ESR2: variants seen among roughly 807,000 people sequenced by gnomAD.
The protein encoded by ESR2 is estrogen receptor 2, also known as estrogen receptor beta.
ESR2 carries 36 observed loss-of-function variants against 49.6 expected under a neutral mutation model. The observed-to-expected ratio is 0.73, with a 90% CI of 0.56 to 0.96. The LOEUF (loss-of-function observed/expected upper bound fraction) is 0.96. Among genes scored for constraint, ESR2 ranks in the 40% least tolerant of loss-of-function variants. ESR2 has a pLI of 0.00. For synonymous variants in ESR2, 320 were observed against 266.1 expected (o/e 1.20, Z -1.97); for missense variants, 714 against 693.0 (o/e 1.03, Z -0.34).
intron 3 of ESR2, among the ~76,000 whole-genome samples, chr14:64,270,579 C>T (rs1330762276): frequency 6.6e-6 from 1 of 152,004 alleles, no homozygotes; most frequent in Non-Finnish European, 1.5e-5. Flanking sequence ...GGCACGATCT[C>T]GACTCACTGC....
intron 1 of ESR2, among the ~76,000 whole-genome samples, chr14:64,318,709 G>A (rs2077289597): frequency 6.6e-6 from 1 of 151,744 alleles, no homozygotes; most frequent in Non-Finnish European, 1.5e-5. Flanking sequence ...AAACTAGCCA[G>A]GTCAACACAG....
rs187646669 is a variant in ESR2 at position 64,260,208 on chromosome 14, A to G, written c.952+241T>C. ...CACGCACAACTCTTTCTGCACTACC[A>G]TGTTGGGTACAGAACTCAGAAGAGT... On this transcript the variant is annotated intron_variant, in intron 5 of 8. Coordinates refer to ENST00000341099, the MANE Select transcript of ESR2 (RefSeq NM_001437.3). 3.0e-5 allele frequency: 22 copies of G among 740,424 alleles called. No individual in the cohort carries two copies. In the East Asian group the frequency reaches 5.6e-4, roughly 19 times the overall value. 45.9% of individuals were successfully genotyped at this position (740,424 alleles called of 1,614,324 possible).
intron 3 of ESR2, among the ~76,000 whole-genome samples, chr14:64,269,294 T>C (rs2076392245): frequency 2.0e-5 from 3 of 152,224 alleles, no homozygotes. Flanking sequence ...TTTACATATA[T>C]CCCTCTTTCG....
At chr14:64,291,336 T>A (rs2076867200) in intron 1 of ESR2, among the ~76,000 whole-genome samples, 1 of 152,164 alleles carries the variant, frequency 6.6e-6, no homozygotes, top group Non-Finnish European at 1.5e-5. Flanking sequence ...CACACAAAGA[T>A]TCTCCACTAA....
At chr14:64,325,646 A>C (rs1199907083) in intron 1 of ESR2, among the ~76,000 whole-genome samples, 4 of 152,180 alleles carry the variant, frequency 2.6e-5, no homozygotes, top group Non-Finnish European at 4.4e-5. Flanking sequence ...GTCCACTGAT[A>C]ACGTGGATTT....
At chr14:64,244,986 T>C (rs1433567070) in intron 7 of ESR2, among the ~76,000 whole-genome samples, 2 of 152,172 alleles carry the variant, frequency 1.3e-5, no homozygotes, top group African/African-American at 4.8e-5. Context: ...CCAATATCTG[T>C]TTTATATATT....
At chr14:64,241,038 G>T (rs8022377) in intron 7 of ESR2, among the ~76,000 whole-genome samples, 108 of 150,990 alleles carry the variant, frequency 7.2e-4, no homozygotes, top group Non-Finnish European at 3.7e-4. Context: ...CCCAGCTACT[G>T]GGGAGGCTGA....
intron 1 of ESR2, among the ~76,000 whole-genome samples, chr14:64,288,884 G>A (rs2140839429): frequency 6.6e-6 from 1 of 151,048 alleles, no homozygotes; most frequent in South Asian, 2.1e-4. Flanking sequence ...TACTCAGAAG[G>A]CTGAGGCAGG....
At chr14:64,251,737 T>A (rs559855832) in intron 6 of ESR2, among the ~76,000 whole-genome samples, 76 of 152,170 alleles carry the variant, frequency 5.0e-4, no homozygotes, top group Non-Finnish European at 9.0e-4. Flanking sequence ...TAAGCAGGTG[T>A]GACAGTCAAC....
intron 5 of ESR2, among the ~76,000 whole-genome samples, chr14:64,259,304 C>T (rs1461441483): frequency 6.6e-6 from 1 of 152,212 alleles, no homozygotes; most frequent in African/African-American, 2.4e-5. Flanking sequence ...CCTCAGTTCC[C>T]CAGGCTCTTT....
chr14:64,259,998 C>A (rs2076178758), intron 5 of ESR2, among the ~76,000 whole-genome samples: 1 of 152,122 alleles, frequency 6.6e-6, no homozygotes, highest in Non-Finnish European at 1.5e-5. Context: ...TGACCCCAAG[C>A]CCAATTCCAG....
rs539876920 is a variant in ESR2 at position 64,230,716 on chromosome 14, G to A, written c.*2421C>T. 6.6e-5 allele frequency among the ~76,000 whole-genome samples: 10 copies of A among 151,924 alleles called. No individual in the cohort carries two copies. The highest frequency in any genetic ancestry group is 1.9e-4 in the East Asian group (1 of 5,178). On this transcript the variant is annotated 3_prime_UTR_variant, in exon 9 of 9. Transcript: ENST00000341099. ...CAGAGGGGTGCTGTGAGAACAGAGC[G>A]AGATTCGGTGAGAATAGCTCAGCTG...
Position 64,294,163 on chromosome 14 carries a change from A to T in ESR2, c.-221T>A, listed in dbSNP as rs2076919320. 6.6e-6 allele frequency: 1 copy of T among 152,302 alleles called. No individual in the cohort carries two copies. The highest frequency in any genetic ancestry group is 2.4e-5 in the African/African-American group (1 of 41,464). 9.4% of individuals were successfully genotyped at this position (152,302 alleles called of 1,614,324 possible). A position where few individuals can be genotyped will look rare whatever the true frequency, so the allele number is the denominator to read the frequency against. On this transcript the variant is annotated 5_prime_UTR_variant, in exon 1 of 9. Coordinates refer to ENST00000341099, the MANE Select transcript of ESR2 (RefSeq NM_001437.3). Reference sequence around the variant, plus strand: ...AAAGCGAGCGCACCTCCTGCAGCTCAGGCTCCGGGCGCCAGCCCTGCCCCG... The same window carrying T: ...AAAGCGAGCGCACCTCCTGCAGCTCTGGCTCCGGGCGCCAGCCCTGCCCCG...
intron 1 of ESR2, among the ~76,000 whole-genome samples, chr14:64,334,059 G>A (rs2077498121): frequency 6.6e-6 from 1 of 152,014 alleles, no homozygotes; most frequent in South Asian, 2.1e-4. Flanking sequence ...ATTTTATTCT[G>A]ATCAACATAA....
Position 64,260,742 on chromosome 14 carries a change from CG to C in ESR2, c.658del (p.Arg220GlyfsTer44). ...AAGGCGGTACCCACATCTCTCTCTC[CG>C]GGAGCCTGAAGAGGAAAGCAGAGTC... ...YEVGMVKCGS[R>X]RERCGYRLVR... is the part of the protein sequence containing the mutation. On this transcript the variant is annotated frameshift_variant, in exon 5 of 9. Transcript: ENST00000341099. LOFTEE classifies it high-confidence loss of function. 1 of 1,480,898 alleles carries C rather than the reference CG, an allele frequency of 6.8e-7. No homozygotes were observed. 91.7% of individuals were successfully genotyped at this position (1,480,898 alleles called of 1,614,324 possible). A position where few individuals can be genotyped will look rare whatever the true frequency, so the allele number is the denominator to read the frequency against.
At chr14:64,335,200 A>T (rs955001446) in intron 1 of ESR2, among the ~76,000 whole-genome samples, 2 of 152,224 alleles carry the variant, frequency 1.3e-5, no homozygotes, top group African/African-American at 4.8e-5. Context: ...GGGAAGGCAC[A>T]CAAAGGAGTA....
At chr14:64,303,950 C>A (rs549795224) in intron 1 of ESR2, among the ~76,000 whole-genome samples, 18 of 152,236 alleles carry the variant, frequency 1.2e-4, no homozygotes, top group African/African-American at 3.1e-4. Flanking sequence ...TTTATAAAGG[C>A]AAAAGAAAGA....
At chr14:64,264,084 C>T (rs1371894236) in intron 4 of ESR2, among the ~76,000 whole-genome samples, 2 of 152,128 alleles carry the variant, frequency 1.3e-5, no homozygotes, top group African/African-American at 4.8e-5. Flanking sequence ...GTAAGGATGT[C>T]ATTAGCATGG....
rs1448164986 is a variant in ESR2, at chr14:64,230,411, A to G, written c.*2726T>C. Reference sequence around the variant, plus strand: ...TATGGATATATAATATGGCTCTGCCAAGTATTGGTAACTGATTTTTCTTCC... The same window carrying G: ...TATGGATATATAATATGGCTCTGCCGAGTATTGGTAACTGATTTTTCTTCC... On this transcript the variant is annotated 3_prime_UTR_variant, in exon 9 of 9. Transcript: ENST00000341099. 6.6e-6 allele frequency among the ~76,000 whole-genome samples: 1 copy of G among 152,108 alleles called. No homozygotes were observed. Among genetic ancestry groups the G allele is most frequent in the Non-Finnish European group, 1.5e-5 (1 of 68,014 alleles).
Sources: allele counts gnomAD v4.1 joint callset (sites outside exome capture counted in the v4.1 genomes callset), GRCh38; gene constraint gnomAD v4.1.1; transcripts MANE v1.5; gene names NCBI Gene and HGNC (gene_info 2026-07-23, HGNC 2026-07-21).